The following KIF1A variants were observed in gnomAD, a reference collection of about 807,000 sequenced individuals.
KIF1A encodes the protein kinesin-like protein KIF1A.
In KIF1A, 46 loss-of-function variants were observed where a neutral mutation model predicts 227.3. That is an observed-to-expected ratio of 0.20 (90% confidence interval 0.16 to 0.26). The LOEUF is 0.26. Ranked by LOEUF, KIF1A falls within the 10% of genes least tolerant of loss-of-function variation. The pLI, the probability that KIF1A is intolerant of heterozygous loss-of-function variation, is 1.00. For missense variants in KIF1A, 1,683 were observed against 2,485.9 expected, an observed-to-expected ratio of 0.68 and a Z score of 6.87; for synonymous variants, 1,022 against 1,012.8, an observed-to-expected ratio of 1.01 and a Z score of -0.17.
chr2:240,716,909 G>A lies in KIF1A; in HGVS notation c.*455C>T, dbSNP rs1413638246. On this transcript the variant is annotated 3_prime_UTR_variant, in exon 49 of 49. Transcript: ENST00000498729. ...GGAGACACATGTGGGAACAAACAGG[G>A]TGGAGGTGGTTGGGGGTTCCATCTG... The A allele has an allele frequency of 6.5e-6, 1 of 154,520 alleles. No individual in the cohort carries two copies. The highest frequency in any genetic ancestry group is 2.4e-5 in the African/African-American group (1 of 41,554). 9.6% of individuals were successfully genotyped at this position (154,520 alleles called of 1,614,324 possible). A position where few individuals can be genotyped will look rare whatever the true frequency, so the allele number is the denominator to read the frequency against.
rs2044417537 is a variant in KIF1A at position 240,714,297 on chromosome 2, G to C, written c.*3067C>G. The C allele has an allele frequency of 6.6e-6, 1 of 152,410 alleles. No individual in the cohort carries two copies. Among genetic ancestry groups the C allele is most frequent in the Non-Finnish European group, 1.5e-5 (1 of 68,116 alleles). The allele number at this position is 152,410 out of a possible 1,614,324, so 9.4% of individuals were successfully genotyped here. ...GAAACATTGGCATCTTCTCAGCGAT[G>C]ACTCCCAGTGGGAGGCCTTGGACTT... is the stretch of plus-strand genomic sequence containing the variant. On this transcript the variant is annotated 3_prime_UTR_variant, in exon 49 of 49. Coordinates refer to ENST00000498729, the MANE Select transcript of KIF1A (RefSeq NM_001244008.2).
chr2:240,718,959 C>T, intron 47 of KIF1A, 47 bp downstream of exon 47: 3 of 1,504,062 alleles, frequency 2.0e-6, no homozygotes, highest in Non-Finnish European at 2.8e-6. Flanking sequence ...CAGCTCCTGC[C>T]CTGCTAGGGT....
Position 240,766,749 on chromosome 2 carries a change from T to TCTCACACACACA in KIF1A, c.1684+165_1684+166insTGTGTGTGTGAG, listed in dbSNP as rs1454271542. On this transcript the variant is annotated intron_variant, in intron 19 of 48. Transcript: ENST00000498729. This position sits in a 1 kb window ranked among gnomAD's most constrained non-coding sequence, Gnocchi z 5.0. ...CTCTCTCTCTCTCTCTCTCTCTCTCTCACACACACACACACACACACACAC... is the reference window on the plus strand; with the variant it reads ...CTCTCTCTCTCTCTCTCTCTCTCTCTCTCACACACACACACACACACACACACACACACACAC... Among the ~76,000 whole-genome samples, 173 of 109,008 alleles carry TCTCACACACACA rather than the reference T, an allele frequency of 1.6e-3. No homozygotes were observed. Among genetic ancestry groups the TCTCACACACACA allele is most frequent in the African/African-American group, 6.8e-3 (165 of 24,154 alleles). The allele number at this position is 109,008 out of a possible 152,430, so 71.5% of individuals were successfully genotyped here.
intron 27 of KIF1A, among the ~76,000 whole-genome samples, chr2:240,754,591 G>A (rs550534743): frequency 1.2e-4 from 18 of 152,340 alleles, no homozygotes; most frequent in East Asian, 3.9e-4. Flanking sequence ...GGAGCCTGGC[G>A]TCTCTGCCCA....
chr2:240,729,517 G>A (rs1255619071), intron 38 of KIF1A, among the ~76,000 whole-genome samples: 1 of 152,216 alleles, frequency 6.6e-6, no homozygotes, highest in East Asian at 1.9e-4. Context: ...GTGGGACACA[G>A]CAAAGGAACA....
chr2:240,732,409 G>A (rs2046808245), intron 38 of KIF1A, among the ~76,000 whole-genome samples: 1 of 148,274 alleles, frequency 6.7e-6, no homozygotes, highest in Non-Finnish European at 1.5e-5. Flanking sequence ...GCATGATTAG[G>A]GCGTAAGGGG....
rs570956380 is a variant in KIF1A at position 240,774,391 on chromosome 2, ACC to A, written c.959-132_959-131del. 16,950 of 262,442 alleles carry A rather than the reference ACC, an allele frequency of 0.065. 502 individuals carry two copies. The highest frequency in any genetic ancestry group is 0.21 in the African/African-American group (5,388 of 25,536). The allele number at this position is 262,442 out of a possible 1,614,324, so 16.3% of individuals were successfully genotyped here. A position where few individuals can be genotyped will look rare whatever the true frequency, so the allele number is the denominator to read the frequency against. ...GAGAGGTAAACTGAGTCACAGGCTT[ACC>A]CCCCCCCCCACCCCCACCCCATGAA... On this transcript the variant is annotated intron_variant, in intron 11 of 48. Transcript: ENST00000498729.
intron 27 of KIF1A, 69 bp from the exon 28 acceptor site, chr2:240,750,616 G>T: frequency 1.9e-5 from 21 of 1,113,346 alleles, no homozygotes; most frequent in Non-Finnish European, 2.8e-5. Flanking sequence ...AGCGGTGGCA[G>T]CATGGCCTGG....
At chr2:240,813,689 C>T (rs2058123508) in intron 1 of KIF1A, among the ~76,000 whole-genome samples, 1 of 152,036 alleles carries the variant, frequency 6.6e-6, no homozygotes. Flanking sequence ...CCCACCCCAG[C>T]TCTGGTCAGA....
chr2:240,724,580 G>C (rs2045770414), intron 40 of KIF1A: 2 of 170,406 alleles, frequency 1.2e-5, no homozygotes, highest in African/African-American at 4.8e-5. Context: ...TGTGAACCTG[G>C]ACACCAGGTC....
At position 240,733,389 on chromosome 2, in the gene KIF1A, C is replaced by T. The variant is rs138628079; in HGVS notation, c.4007+3674G>A. On this transcript the variant is annotated intron_variant, in intron 38 of 48. Coordinates refer to ENST00000498729, the MANE Select transcript of KIF1A (RefSeq NM_001244008.2). The stretch of plus-strand genomic sequence containing the variant: ...GACTCACTGCAGGGAGAGGGAGGCC[C>T]CTGCTCAGGCCCTGCAGGGCCGTGC... Among the ~76,000 whole-genome samples, 594 of 152,246 alleles carry T rather than the reference C, an allele frequency of 3.9e-3. 3 individuals carry two copies. Among genetic ancestry groups the T allele is most frequent in the African/African-American group, 0.013 (557 of 41,534 alleles).
At chr2:240,798,998 T>C (rs759347965) in intron 1 of KIF1A, among the ~76,000 whole-genome samples, 1 of 152,180 alleles carries the variant, frequency 6.6e-6, no homozygotes, top group African/African-American at 2.4e-5. Flanking sequence ...GAGGCAACCT[T>C]CTGCCTGGTC....
Position 240,740,406 on chromosome 2 carries a change from T to A in KIF1A, c.3750-42A>T. On this transcript the variant is annotated intron_variant, in intron 35 of 48. Coordinates refer to ENST00000498729, the MANE Select transcript of KIF1A (RefSeq NM_001244008.2). The surrounding 1 kb of genome is among the most constrained non-coding windows in gnomAD (Gnocchi z 6.1). Reference sequence around the variant, plus strand: ...CATGTGAGGAGCGGCCAGCCCCTCCTCTCTGCCCTCCCCGCAGCACAGGAC... The same window carrying A: ...CATGTGAGGAGCGGCCAGCCCCTCCACTCTGCCCTCCCCGCAGCACAGGAC... 1 of 1,526,180 alleles carries A rather than the reference T, an allele frequency of 6.6e-7. No individual in the cohort carries two copies. The allele number at this position is 1,526,180 out of a possible 1,614,324, so 94.5% of individuals were successfully genotyped here. A position where few individuals can be genotyped will look rare whatever the true frequency, so the allele number is the denominator to read the frequency against.
chr2:240,785,472 ACACC>A (rs1413859958), intron 6 of KIF1A, among the ~76,000 whole-genome samples: 2 of 152,286 alleles, frequency 1.3e-5, no homozygotes, highest in African/African-American at 4.8e-5. Flanking sequence ...ACCACGGCCC[ACACC>A]CGCGGCTCTG....
chr2:240,727,863 CTG>C (rs2046208645), intron 38 of KIF1A, among the ~76,000 whole-genome samples: 2 of 152,214 alleles, frequency 1.3e-5, no homozygotes, highest in Non-Finnish European at 2.9e-5. Flanking sequence ...ATGGCAGTGA[CTG>C]AGCTACTTCC....
intron 24 of KIF1A, 106 bp downstream of exon 24, chr2:240,761,123 G>T (rs987138426): frequency 7.4e-5 from 100 of 1,350,372 alleles, no homozygotes; most frequent in Non-Finnish European, 9.9e-5. Flanking sequence ...TGCCACCCCC[G>T]GGGCCGGCAG....
chr2:240,730,643 C>G (rs1026532035), intron 38 of KIF1A, among the ~76,000 whole-genome samples: 7 of 152,198 alleles, frequency 4.6e-5, no homozygotes, highest in African/African-American at 1.7e-4. Context: ...GGAACATGAT[C>G]CCAGCAGGAG....
At position 240,766,189 on chromosome 2, in the gene KIF1A, A is replaced by T. The variant is rs1255707750; in HGVS notation, c.1685-396T>A. Among the ~76,000 whole-genome samples the T allele has an allele frequency of 6.6e-6, 1 of 151,648 alleles. No homozygotes were observed. Among genetic ancestry groups the T allele is most frequent in the African/African-American group, 2.4e-5 (1 of 40,882 alleles). On this transcript the variant is annotated intron_variant, in intron 19 of 48. Coordinates refer to ENST00000498729, the MANE Select transcript of KIF1A (RefSeq NM_001244008.2). The surrounding 1 kb of genome is among the most constrained non-coding windows in gnomAD (Gnocchi z 5.0). ...GAATTCCAGGAGAGCCAATCGTCCC[A>T]ACACCACTTAGGGCCATCACCCTGA... is the stretch of plus-strand genomic sequence containing the variant.
At chr2:240,809,125 A>G (rs1478517194) in intron 1 of KIF1A, among the ~76,000 whole-genome samples, 1 of 152,266 alleles carries the variant, frequency 6.6e-6, no homozygotes, top group Non-Finnish European at 1.5e-5. Flanking sequence ...GGTGGAAAAT[A>G]AATCTCAATA....
Sources: allele counts gnomAD v4.1 joint callset (sites outside exome capture counted in the v4.1 genomes callset), GRCh38; gene constraint gnomAD v4.1.1; non-coding constraint Gnocchi (gnomAD v3.1); transcripts MANE v1.5; gene names NCBI Gene and HGNC (gene_info 2026-07-23, HGNC 2026-07-21).